The following BRD7 variants were observed in gnomAD, a reference collection of about 807,000 sequenced individuals.
BRD7 encodes bromodomain-containing protein 7.
A neutral mutation model predicts 82.1 loss-of-function variants in BRD7; 15 were observed. The ratio of observed to expected loss-of-function variants is 0.18; its 90% CI spans 0.12 to 0.28. The LOEUF is 0.28. Among genes scored for constraint, BRD7 ranks in the 10% least tolerant of loss-of-function variants. The probability of loss-of-function intolerance (pLI) is 1.00; values close to 1 mark genes in which losing one functional copy is unlikely to be tolerated. For synonymous variants in BRD7, 232 were observed against 266.9 expected, an observed-to-expected ratio of 0.87 and a Z score of 1.27; for missense variants, 638 against 779.9, an observed-to-expected ratio of 0.82 and a Z score of 2.17.
intron 2 of BRD7, among the ~76,000 whole-genome samples, chr16:50,355,484 A>G (rs2038696339): frequency 6.6e-6 from 1 of 152,252 alleles, no homozygotes; most frequent in Admixed American, 6.5e-5. Context: ...ACGTGATAAT[A>G]AGACAATGTG....
intron 2 of BRD7, among the ~76,000 whole-genome samples, chr16:50,363,641 T>TTGTGTGTG (rs374792308): frequency 0.12 from 17,797 of 149,084 alleles, 1,343 homozygotes; most frequent in Non-Finnish European, 0.16. Flanking sequence ...CGTTGTGTGT[T>TTGTGTGTG]TGTGTGTGTG....
rs994996017 is a variant in BRD7 at position 50,357,717 on chromosome 16, G to A, written c.259-2795C>T. 2.0e-5 allele frequency among the ~76,000 whole-genome samples: 3 copies of A among 152,074 alleles called. 1 individual carries two copies. The highest frequency in any genetic ancestry group is 4.1e-4 in the South Asian group (2 of 4,826). ...CAAACTGGGCCAAGTGCAGTGGCTC[G>A]TGCCTGTAATCCCAGAGCTTTGGGA... On this transcript the variant is annotated intron_variant, in intron 2 of 16. Transcript: ENST00000394688.
chr16:50,329,613 C>T (rs117164075), intron 8 of BRD7, among the ~76,000 whole-genome samples: 2,096 of 152,214 alleles, frequency 0.014, 127 homozygotes, highest in East Asian at 0.13. Context: ...AGTACAAGGA[C>T]GCCCTGAAAA....
At chr16:50,349,412 A>T (rs2038426033) in intron 5 of BRD7, 1 of 370,394 alleles carries the variant, frequency 2.7e-6, no homozygotes, top group African/African-American at 2.2e-5. Flanking sequence ...AATTAAAAAA[A>T]TGTAAACCAT....
At chr16:50,368,574 C>T (rs112456327) in intron 1 of BRD7, 152 bp downstream of exon 1, 89,171 of 816,664 alleles carry the variant, frequency 0.11, 5,777 homozygotes, top group Middle Eastern at 0.18. Context: ...GCACGGGGGG[C>T]AGCGCGGCCT....
rs1567601543 is a variant in BRD7, at chr16:50,326,405, C to CA, written c.1088-15dup. On this transcript the variant is annotated splice_polypyrimidine_tract_variant and intron_variant, in intron 9 of 16. Transcript: ENST00000394688. ...AGTAGCCTGGCTCTACAACATAAAA[C>CA]AGAGCACAGTGAAGGAGGCCTACAT... 6.5e-7 allele frequency: 1 copy of CA among 1,538,372 alleles called. No homozygotes were observed. Among genetic ancestry groups the CA allele is most frequent in the South Asian group, 1.2e-5 (1 of 81,688 alleles).
At chr16:50,364,101 T>G (rs1333000451) in intron 2 of BRD7, among the ~76,000 whole-genome samples, 2 of 151,796 alleles carry the variant, frequency 1.3e-5, no homozygotes, top group Non-Finnish European at 2.9e-5. Context: ...TTTTCCGGTC[T>G]CCCTATCAGC....
intron 5 of BRD7, among the ~76,000 whole-genome samples, chr16:50,341,872 TG>T (rs2038070519): frequency 1.3e-5 from 2 of 150,750 alleles, no homozygotes; most frequent in African/African-American, 4.9e-5. Flanking sequence ...TGGGCTTTAC[TG>T]AACTGTGGGT....
intron 9 of BRD7, among the ~76,000 whole-genome samples, chr16:50,327,310 A>G: frequency 6.6e-6 from 1 of 152,222 alleles, no homozygotes; most frequent in East Asian, 1.9e-4. Flanking sequence ...AAACCAGAGC[A>G]AGGACAGAGA....
intron 5 of BRD7, among the ~76,000 whole-genome samples, chr16:50,342,497 C>T (rs115857332): frequency 0.011 from 1,200 of 113,160 alleles, 18 homozygotes; most frequent in African/African-American, 0.039. Flanking sequence ...CTCACTCTGT[C>T]GCAAGCTCTG....
chr16:50,320,772 A>C lies in BRD7; in HGVS notation c.1503T>G (p.Ile501Met), dbSNP rs765822070. ...AACGCCCTGGTGGCTCTACTTCTGT[A>C]ATCTGCTTCAAAAGGAAAAACAGGC... ...RTLDTAKEME[I>M]TEVEPPGRLD... The change falls in exon 14 of 17, where the codon ATT becomes ATG. Residue 501 changes from isoleucine (I) to methionine (M), a missense_variant and splice_region_variant. By Grantham distance (10) the Ile-to-Met change is conservative. Coordinates refer to ENST00000394688, the MANE Select transcript of BRD7 (RefSeq NM_013263.5). 5.6e-6 allele frequency: 9 copies of C among 1,610,912 alleles called. No homozygotes were observed. The highest frequency in any genetic ancestry group is 7.6e-6 in the Non-Finnish European group (9 of 1,177,086).
intron 2 of BRD7, among the ~76,000 whole-genome samples, chr16:50,356,739 TACAC>T (rs749145071): frequency 4.7e-5 from 7 of 148,690 alleles, no homozygotes; most frequent in South Asian, 4.2e-4. Flanking sequence ...TATATATATA[TACAC>T]ACACACACAC....
At chr16:50,338,561 G>A (rs182542175) in intron 6 of BRD7, among the ~76,000 whole-genome samples, 1 of 152,296 alleles carries the variant, frequency 6.6e-6, no homozygotes, top group Admixed American at 6.5e-5. Flanking sequence ...CCCTGAATGT[G>A]AGCTCAAGCT....
chr16:50,326,000 A>C, intron 10 of BRD7, 117 bp from the exon 11 acceptor site: 1 of 1,093,574 alleles, frequency 9.1e-7, no homozygotes, highest in Non-Finnish European at 1.3e-6. Flanking sequence ...GCTGGTTTGC[A>C]AATCTAAGAT....
intron 5 of BRD7, among the ~76,000 whole-genome samples, chr16:50,344,255 T>A (rs896593273): frequency 2.6e-5 from 4 of 152,182 alleles, no homozygotes; most frequent in Admixed American, 6.6e-5. Context: ...AAACTCCATC[T>A]GTATGTCACC....
chr16:50,344,345 G>C (rs990211219), intron 5 of BRD7, among the ~76,000 whole-genome samples: 1 of 152,190 alleles, frequency 6.6e-6, no homozygotes, highest in Non-Finnish European at 1.5e-5. Flanking sequence ...CTACAAATCA[G>C]AGCACCTCTT....
chr16:50,326,498 G>A (rs1597031247), intron 9 of BRD7, 107 bp from the exon 10 acceptor site: 3 of 672,376 alleles, frequency 4.5e-6, no homozygotes, highest in Non-Finnish European at 2.4e-6. Flanking sequence ...CTGCATGACC[G>A]TGAAGGAGGC....
chr16:50,332,546 G>A (rs1247340948), intron 8 of BRD7, among the ~76,000 whole-genome samples: 4 of 152,198 alleles, frequency 2.6e-5, no homozygotes, highest in African/African-American at 9.6e-5. Context: ...TGGTGAGAAT[G>A]TAAATTAGTT....
At chr16:50,360,677 TTTTA>T (rs1007067452) in intron 2 of BRD7, among the ~76,000 whole-genome samples, 1 of 152,226 alleles carries the variant, frequency 6.6e-6, no homozygotes. Flanking sequence ...TCCTGTAGGA[TTTTA>T]TTTATTTATT....
Sources: allele counts gnomAD v4.1 joint callset (sites outside exome capture counted in the v4.1 genomes callset), GRCh38; gene constraint gnomAD v4.1.1; transcripts MANE v1.5; gene names NCBI Gene and HGNC (gene_info 2026-07-23, HGNC 2026-07-21).